Variants in NRXN3 observed in about 807,000 individuals in gnomAD.
The protein encoded by NRXN3 is neurexin 3, also known as neurexin III.
NRXN3 carries 32 observed loss-of-function variants against 137.6 expected under a neutral mutation model. The ratio of observed to expected loss-of-function variants is 0.23; its 90% CI spans 0.18 to 0.31. The LOEUF is 0.31. NRXN3 is among the 10% of genes least tolerant of loss of function. The pLI is 1.00. For missense variants in NRXN3, 1,574 were observed against 2,062.5 expected, an observed-to-expected ratio of 0.76 and a Z score of 4.59; for synonymous variants, 798 against 784.5, an observed-to-expected ratio of 1.02 and a Z score of -0.29.
At chr14:79,671,508 CTCTT>C (rs1378382362) in intron 17 of NRXN3, among the ~76,000 whole-genome samples, 5 of 152,046 alleles carry the variant, frequency 3.3e-5, no homozygotes, top group African/African-American at 1.2e-4. Flanking sequence ...CCTTGTCAGC[CTCTT>C]TCTTTTTGCG....
At chr14:78,566,380 G>GT (rs11295522) in intron 4 of NRXN3, among the ~76,000 whole-genome samples, 5,843 of 145,820 alleles carry the variant, frequency 0.04, 325 homozygotes, top group African/African-American at 0.13. Context: ...TAAAATGTTG[G>GT]TTTTTTTTTT....
At chr14:79,050,822 C>A (rs763849103) in intron 15 of NRXN3, among the ~76,000 whole-genome samples, 7 of 152,160 alleles carry the variant, frequency 4.6e-5, no homozygotes, top group Non-Finnish European at 8.8e-5. Context: ...TCCCTGGATT[C>A]TCCTAAGTTT....
intron 15 of NRXN3, among the ~76,000 whole-genome samples, chr14:79,384,819 G>C (rs1044219217): frequency 6.6e-6 from 1 of 152,140 alleles, no homozygotes; most frequent in Non-Finnish European, 1.5e-5. Flanking sequence ...ATAGTTCCAC[G>C]TTTTAGTATT....
intron 15 of NRXN3, among the ~76,000 whole-genome samples, chr14:79,234,312 A>T (rs1333633474): frequency 1.9e-5 from 2 of 102,622 alleles, no homozygotes; most frequent in African/African-American, 9.3e-5. Flanking sequence ...ATATATATAT[A>T]TATATATATA....
At chr14:78,789,743 C>T (rs1347527423) in intron 8 of NRXN3, among the ~76,000 whole-genome samples, 1 of 152,174 alleles carries the variant, frequency 6.6e-6, no homozygotes, top group African/African-American at 2.4e-5. Flanking sequence ...TGTGCTTCTA[C>T]ATATGCTGTT....
intron 4 of NRXN3, among the ~76,000 whole-genome samples, chr14:78,564,327 CA>C (rs2096817272): frequency 6.6e-6 from 1 of 152,196 alleles, no homozygotes; most frequent in Non-Finnish European, 1.5e-5. Context: ...CTGTCAAGAG[CA>C]ACCTCACACA....
chr14:79,139,488 A>G (rs148988933), intron 15 of NRXN3, among the ~76,000 whole-genome samples: 2 of 152,308 alleles, frequency 1.3e-5, no homozygotes, highest in Non-Finnish European at 2.9e-5. Flanking sequence ...TAAATAAAAT[A>G]TTATCCTATC....
chr14:78,264,797 C>T (rs2071410001), intron 2 of NRXN3, among the ~76,000 whole-genome samples: 1 of 152,208 alleles, frequency 6.6e-6, no homozygotes, highest in Non-Finnish European at 1.5e-5. Context: ...AAGCAAAGTA[C>T]AGCAGATAGA....
intron 16 of NRXN3, among the ~76,000 whole-genome samples, chr14:79,652,207 A>G (rs1277461078): frequency 6.6e-6 from 1 of 152,172 alleles, no homozygotes; most frequent in South Asian, 2.1e-4. Flanking sequence ...TTACATGGCA[A>G]CATATCTACA....
At chr14:79,701,857 T>G (rs1488170108) in intron 19 of NRXN3, among the ~76,000 whole-genome samples, 1 of 152,096 alleles carries the variant, frequency 6.6e-6, no homozygotes, top group Non-Finnish European at 1.5e-5. Context: ...TGTTATATGA[T>G]TGTCATAAGG....
chr14:78,479,217 A>T (rs1023276050), intron 4 of NRXN3, among the ~76,000 whole-genome samples: 1 of 152,206 alleles, frequency 6.6e-6, no homozygotes. Context: ...CCCAAGAGGC[A>T]TAGTGAGTCT....
At chr14:78,901,430 A>G (rs2099196025) in intron 10 of NRXN3, among the ~76,000 whole-genome samples, 1 of 151,896 alleles carries the variant, frequency 6.6e-6, no homozygotes, top group African/African-American at 2.4e-5. Context: ...GGAATTTTTC[A>G]TTTCTTTCCA....
intron 6 of NRXN3, among the ~76,000 whole-genome samples, chr14:78,668,930 A>ATCTATCTGTCTG (rs573422799): frequency 7.6e-4 from 114 of 149,394 alleles, no homozygotes; most frequent in East Asian, 2.4e-3. Context: ...CTATCTATCT[A>ATCTATCTGTCTG]TCTGTCTGTC....
At chr14:79,616,406 A>G (rs1166430430) in intron 16 of NRXN3, among the ~76,000 whole-genome samples, 3 of 152,148 alleles carry the variant, frequency 2.0e-5, no homozygotes, top group African/African-American at 2.4e-5. Flanking sequence ...GCCTTTCCCT[A>G]TCTCCAGTCT....
chr14:78,408,535 A>G (rs1267090328), intron 4 of NRXN3, among the ~76,000 whole-genome samples: 1 of 152,162 alleles, frequency 6.6e-6, no homozygotes, highest in East Asian at 1.9e-4. Context: ...CCTTGCAACA[A>G]ATTTTCCTTT....
At chr14:78,333,819 A>G (rs2081128620) in intron 4 of NRXN3, among the ~76,000 whole-genome samples, 1 of 152,150 alleles carries the variant, frequency 6.6e-6, no homozygotes, top group Non-Finnish European at 1.5e-5. Context: ...GGTTCTGTGT[A>G]GAGAATCTCT....
intron 5 of NRXN3, among the ~76,000 whole-genome samples, chr14:78,647,612 G>T (rs1249495110): frequency 6.6e-6 from 1 of 152,164 alleles, no homozygotes; most frequent in Non-Finnish European, 1.5e-5. Context: ...TACAGTATTG[G>T]GGGTATTTCT....
chr14:79,247,436 C>T (rs544925274), intron 15 of NRXN3: 41 of 152,330 alleles, frequency 2.7e-4, no homozygotes, highest in African/African-American at 9.1e-4. Context: ...CATGTCCCCA[C>T]TTCACAAGTC....
chr14:78,830,518 T>C (rs1417447964), intron 10 of NRXN3, among the ~76,000 whole-genome samples: 2 of 152,168 alleles, frequency 1.3e-5, no homozygotes, highest in Non-Finnish European at 2.9e-5. Flanking sequence ...ATTTTTTTCC[T>C]GCCTCGTCTT....
Sources: allele counts gnomAD v4.1 joint callset (sites outside exome capture counted in the v4.1 genomes callset), GRCh38; gene constraint gnomAD v4.1.1; transcripts MANE v1.5; gene names NCBI Gene and HGNC (gene_info 2026-07-23, HGNC 2026-07-21).